TNNT3: variants seen among roughly 807,000 people sequenced by gnomAD.
TNNT3 encodes the protein troponin T, fast skeletal muscle.
TNNT3 carries 36 observed loss-of-function variants against 54.2 expected under a neutral mutation model. The observed-to-expected ratio is 0.66, with a 90% CI of 0.51 to 0.88. TNNT3 has a LOEUF of 0.88. TNNT3 is among the 40% of genes least tolerant of loss of function. TNNT3 has a pLI of 0.00. For missense variants in TNNT3, 291 were observed against 331.6 expected (o/e 0.88, Z 0.95); for synonymous variants, 120 against 109.7 (o/e 1.09, Z -0.59).
At chr11:1,921,354 C>T (rs1850073572) in intron 1 of TNNT3, 1 of 152,286 alleles carries the variant, frequency 6.6e-6, no homozygotes, top group Admixed American at 6.5e-5. Flanking sequence ...CCCTCCTCCT[C>T]CTTACAGAGG....
Position 1,929,133 on chromosome 11 carries a change from G to A in TNNT3, c.96G>A (p.Glu32=), listed in dbSNP as rs752665220. The part of the protein sequence containing the change: ...EEEVQEDTAE[E]DAEEEKPRPK... ...GCCACCTGGAAGACACCGCAGAGGA[G>A]GACGCGGAAGGTAAGGGCCCGTCCC... Residue 32 remains glutamate, a synonymous_variant, in exon 7 of 16, where the codon GAG becomes GAA. Coordinates refer to ENST00000278317, the MANE Select transcript of TNNT3 (RefSeq NM_006757.4). 1 of 1,613,154 alleles carries A rather than the reference G, an allele frequency of 6.2e-7. No homozygotes were observed. Among genetic ancestry groups the A allele is most frequent in the Non-Finnish European group, 8.5e-7 (1 of 1,179,970 alleles).
intron 5 of TNNT3, 23 bp downstream of exon 5, chr11:1,925,139 GC>G: frequency 6.2e-7 from 1 of 1,611,560 alleles, no homozygotes; most frequent in African/African-American, 1.3e-5. Flanking sequence ...CAAGGCCCCG[GC>G]CCCCATGCCC....
chr11:1,926,732 C>G, intron 6 of TNNT3, 23 bp downstream of exon 6: 1 of 1,613,230 alleles, frequency 6.2e-7, no homozygotes. Context: ...TCCCCCGCCT[C>G]CAGGCCAGAG....
intron 6 of TNNT3, among the ~76,000 whole-genome samples, chr11:1,928,551 G>A (rs1852293777): frequency 6.6e-6 from 1 of 152,200 alleles, no homozygotes; most frequent in Non-Finnish European, 1.5e-5. Context: ...TCCGGACTCA[G>A]GCGGGGGCTC....
At chr11:1,921,112 G>A (rs73413015) in intron 1 of TNNT3, among the ~76,000 whole-genome samples, 2,799 of 152,266 alleles carry the variant, frequency 0.018, 88 homozygotes, top group African/African-American at 0.061. Flanking sequence ...GGGCAGCTGT[G>A]GGCCAAGGAG....
chr11:1,936,918 C>A (rs1484282899), intron 14 of TNNT3, 45 bp from the exon 15 acceptor site: 2 of 1,577,794 alleles, frequency 1.3e-6, no homozygotes, highest in Non-Finnish European at 1.7e-6. Flanking sequence ...TACACGCAGG[C>A]CTGGCCCTCG....
chr11:1,922,266 C>T (rs993909702), intron 1 of TNNT3, among the ~76,000 whole-genome samples: 2 of 152,056 alleles, frequency 1.3e-5, no homozygotes, highest in African/African-American at 4.8e-5. Context: ...CTCTGGGCAC[C>T]CCATAGGAAA....
chr11:1,932,069 C>T (rs969019089), intron 8 of TNNT3, among the ~76,000 whole-genome samples: 2 of 152,208 alleles, frequency 1.3e-5, no homozygotes, highest in Non-Finnish European at 2.9e-5. Flanking sequence ...GGCACAGGCT[C>T]GCAGCAGCCA....
intron 6 of TNNT3, among the ~76,000 whole-genome samples, chr11:1,928,264 C>T (rs758444203): frequency 5.3e-5 from 8 of 152,292 alleles, no homozygotes; most frequent in Middle Eastern, 3.4e-3. Context: ...ACTAGGCCAG[C>T]GGCAGACCCC....
intron 14 of TNNT3, 101 bp downstream of exon 14, chr11:1,935,020 C>A: frequency 8.6e-7 from 1 of 1,162,220 alleles, no homozygotes; most frequent in South Asian, 1.2e-5. Flanking sequence ...CCTGCCCACC[C>A]CAGGGACCTG....
At chr11:1,930,276 G>C (rs902957094) in intron 8 of TNNT3, among the ~76,000 whole-genome samples, 6 of 152,072 alleles carry the variant, frequency 3.9e-5, no homozygotes, top group Non-Finnish European at 5.9e-5. Context: ...CACGGCCTTC[G>C]GGGGACCACA....
chr11:1,926,870 G>A (rs1021551284), intron 6 of TNNT3, among the ~76,000 whole-genome samples, 161 bp downstream of exon 6: 4 of 152,238 alleles, frequency 2.6e-5, no homozygotes, highest in Non-Finnish European at 2.9e-5. Flanking sequence ...GGCTTGGGAA[G>A]GGCTGGCCGG....
chr11:1,923,490 C>T (rs1179382626), intron 3 of TNNT3, 65 bp from the exon 4 acceptor site: 2 of 1,558,078 alleles, frequency 1.3e-6, no homozygotes, highest in Non-Finnish European at 1.8e-6. Flanking sequence ...GCCTCTCATC[C>T]TCCTCCTCCC....
intron 3 of TNNT3, 48 bp downstream of exon 3, chr11:1,923,109 G>C: frequency 6.2e-7 from 1 of 1,610,392 alleles, no homozygotes; most frequent in Non-Finnish European, 8.5e-7. Flanking sequence ...TAGAAGGAAG[G>C]CTCACATGTG....
chr11:1,924,247 G>T (rs1234015943), intron 4 of TNNT3, among the ~76,000 whole-genome samples: 1 of 152,118 alleles, frequency 6.6e-6, no homozygotes, highest in Admixed American at 6.5e-5. Flanking sequence ...GTAACCCTGG[G>T]TGGAGCCTGG....
chr11:1,935,723 C>G (rs151189800), intron 14 of TNNT3: 1 of 206,122 alleles, frequency 4.9e-6, no homozygotes, highest in Non-Finnish European at 9.9e-6. Flanking sequence ...GTCCACCCTC[C>G]AGCACCGCCA....
intron 6 of TNNT3, 173 bp from the exon 7 acceptor site, chr11:1,928,947 A>C (rs1306951205): frequency 5.3e-6 from 4 of 761,422 alleles, no homozygotes; most frequent in Admixed American, 3.8e-5. Flanking sequence ...GCATTGATTC[A>C]CCGGCCCCAG....
intron 8 of TNNT3, 55 bp from the exon 9 acceptor site, chr11:1,932,414 C>A (rs1853655107): frequency 1.3e-6 from 2 of 1,580,326 alleles, no homozygotes; most frequent in Non-Finnish European, 1.7e-6. Context: ...CCAGGCTGAC[C>A]CTCTGGGGTG....
intron 5 of TNNT3, among the ~76,000 whole-genome samples, chr11:1,926,109 G>T (rs565061367): frequency 6.6e-6 from 1 of 152,286 alleles, no homozygotes; most frequent in South Asian, 2.1e-4. Flanking sequence ...CCGGCCAGAG[G>T]CGCGGACACC....
Sources: gnomAD v4.1 joint callset for allele counts (sites outside exome capture counted in the v4.1 genomes callset) on GRCh38, gnomAD v4.1.1 for gene constraint, MANE v1.5 for transcripts, NCBI Gene and HGNC (gene_info 2026-07-23, HGNC 2026-07-21) for gene names.